Variants in DLGAP2 observed in about 807,000 individuals in gnomAD.
The protein encoded by DLGAP2 is disks large-associated protein 2.
Under a neutral mutation model 100.3 loss-of-function variants are expected in DLGAP2, and 26 were observed. That is an observed-to-expected ratio of 0.26 (90% CI 0.19 to 0.36). The LOEUF (loss-of-function observed/expected upper bound fraction) is 0.36. Ranked by LOEUF, DLGAP2 falls within the 10% of genes least tolerant of loss-of-function variation. The pLI, the probability that DLGAP2 is intolerant of heterozygous loss-of-function variation, is 1.00. For missense variants in DLGAP2, 1,858 were observed against 1,453.2 expected, an observed-to-expected ratio of 1.28 and a Z score of -4.53; for synonymous variants, 886 against 630.1, an observed-to-expected ratio of 1.41 and a Z score of -6.08.
At chr8:1,530,872 G>A (rs1800966769) in intron 4 of DLGAP2, among the ~76,000 whole-genome samples, 1 of 152,218 alleles carries the variant, frequency 6.6e-6, no homozygotes, top group Non-Finnish European at 1.5e-5. Context: ...CTTGGGGTCA[G>A]AAGAGACTGT....
At chr8:1,261,048 C>G (rs118010333) in intron 3 of DLGAP2, among the ~76,000 whole-genome samples, 2 of 152,218 alleles carry the variant, frequency 1.3e-5, no homozygotes, top group Non-Finnish European at 2.9e-5. Flanking sequence ...TTCGTTCCTG[C>G]TCTAGAAGGC....
In DLGAP2 at chr8:1,375,166, A is replaced by G. The variant is rs185878713; in HGVS notation, c.106+116283A>G. Among the ~76,000 whole-genome samples the G allele has an allele frequency of 8.4e-3, 889 of 105,306 alleles. 62 individuals are homozygous for G. Among genetic ancestry groups the G allele is most frequent in the African/African-American group, 0.041 (837 of 20,422 alleles). 69.1% of individuals were successfully genotyped at this position (105,306 alleles called of 152,430 possible). A position where few individuals can be genotyped will look rare whatever the true frequency, so the allele number is the denominator to read the frequency against. On this transcript the variant is annotated intron_variant, in intron 3 of 14. Transcript: ENST00000637795. ...CCTCAGAACTGATCCCCCACCTCCT[A>G]CATTTGGGTTAACGACCCCTCTCCA...
At chr8:1,415,460 C>CT (rs34058396) in intron 3 of DLGAP2, among the ~76,000 whole-genome samples, 50,049 of 151,930 alleles carry the variant, frequency 0.33, 9,285 homozygotes, top group South Asian at 0.51. Context: ...TCCCCAGCCC[C>CT]TTTTTCCCTC....
chr8:946,617 G>A (rs756671165), intron 2 of DLGAP2, among the ~76,000 whole-genome samples: 7 of 152,102 alleles, frequency 4.6e-5, no homozygotes, highest in Non-Finnish European at 1.0e-4. Context: ...ACTAGATAGG[G>A]GTTCTTTCTG....
chr8:825,897 C>T (rs1228936168), intron 1 of DLGAP2, among the ~76,000 whole-genome samples: 3 of 152,202 alleles, frequency 2.0e-5, no homozygotes, highest in Non-Finnish European at 2.9e-5. Flanking sequence ...AAGTTGTTGA[C>T]TGTAGTCACC....
chr8:1,118,281 T>A (rs577614928), intron 2 of DLGAP2, among the ~76,000 whole-genome samples: 1 of 152,218 alleles, frequency 6.6e-6, no homozygotes, highest in Non-Finnish European at 1.5e-5. Context: ...ACTCTGGTGC[T>A]GATTCCAGCA....
intron 2 of DLGAP2, among the ~76,000 whole-genome samples, chr8:948,321 C>T (rs1214108734): frequency 6.6e-6 from 1 of 152,230 alleles, no homozygotes; most frequent in Non-Finnish European, 1.5e-5. Context: ...ATGCGTGTCG[C>T]CTGCGGGCGT....
chr8:1,532,100 C>T (rs961723450), intron 4 of DLGAP2, among the ~76,000 whole-genome samples: 2 of 152,186 alleles, frequency 1.3e-5, no homozygotes, highest in Non-Finnish European at 2.9e-5. Context: ...AGGAGACAGT[C>T]AGCATATGCA....
intron 2 of DLGAP2, among the ~76,000 whole-genome samples, chr8:934,739 G>C (rs1799031388): frequency 6.6e-6 from 1 of 152,164 alleles, no homozygotes; most frequent in African/African-American, 2.4e-5. Context: ...CCCTGTGCCG[G>C]CTCTCGGGGA....
At position 1,565,853 on chromosome 8, in the gene DLGAP2, G is replaced by A; in HGVS notation, c.1401G>A (p.Leu467=). ...AGTCGGCAATCCTACCAGAGCCGCTGCTGAAGTCCATCGGACAGAGACCGC... is the reference window on the plus strand; with the variant it reads ...AGTCGGCAATCCTACCAGAGCCGCTACTGAAGTCCATCGGACAGAGACCGC... The part of the protein sequence containing the change: ...SPKSAILPEP[L]LKSIGQRPLG... Residue 467 remains leucine, a synonymous_variant, in exon 6 of 15, where the codon CTG becomes CTA. Coordinates refer to ENST00000637795, the MANE Select transcript of DLGAP2 (RefSeq NM_001346810.2). 1 of 1,612,482 alleles carries A rather than the reference G, an allele frequency of 6.2e-7. No individual in the cohort carries two copies. Among genetic ancestry groups the A allele is most frequent in the Non-Finnish European group, 8.5e-7 (1 of 1,179,194 alleles).
intron 2 of DLGAP2, among the ~76,000 whole-genome samples, chr8:1,207,756 T>A (rs1211455304): frequency 6.6e-6 from 1 of 152,194 alleles, no homozygotes; most frequent in Non-Finnish European, 1.5e-5. Context: ...TTATGATCAT[T>A]GTTGCAGGAG....
intron 2 of DLGAP2, among the ~76,000 whole-genome samples, chr8:1,240,171 G>T (rs1326031984): frequency 7.1e-6 from 1 of 140,402 alleles, no homozygotes; most frequent in Non-Finnish European, 1.5e-5. Flanking sequence ...GTCATGTCTA[G>T]TTCTCTCTCA....
chr8:1,185,396 A>G (rs1032783134), intron 2 of DLGAP2, among the ~76,000 whole-genome samples: 1 of 152,078 alleles, frequency 6.6e-6, no homozygotes, highest in African/African-American at 2.4e-5. Context: ...CTGCAGGTAC[A>G]AGGTGACCCC....
Position 1,154,459 on chromosome 8 carries a change from T to C in DLGAP2, c.74-104392T>C, listed in dbSNP as rs572848244. Among the ~76,000 whole-genome samples, 4 of 152,322 alleles carry C rather than the reference T, an allele frequency of 2.6e-5. No individual in the cohort carries two copies. The South Asian group carries it at 8.3e-4, about 32-fold the overall frequency. On this transcript the variant is annotated intron_variant, in intron 2 of 14. Transcript: ENST00000637795. ...GTGTCACTCACTTCTACCGTAAATT[T>C]GTGCATATTAATGATTTCCCTTATT... is the stretch of plus-strand genomic sequence containing the variant.
intron 3 of DLGAP2, chr8:1,299,787 A>AGAATGGATCT (rs1337639038): frequency 1.3e-5 from 2 of 152,214 alleles, no homozygotes; most frequent in African/African-American, 4.8e-5. Context: ...AAGGAGGTCA[A>AGAATGGATCT]GAATGGATCT....
intron 2 of DLGAP2, among the ~76,000 whole-genome samples, chr8:1,168,841 C>T (rs1356786021): frequency 3.1e-5 from 3 of 96,098 alleles, no homozygotes; most frequent in Admixed American, 1.3e-4. Context: ...TGCCTGTTCA[C>T]TCTGATGGTA....
intron 3 of DLGAP2, among the ~76,000 whole-genome samples, chr8:1,452,400 G>T (rs183635478): frequency 2.4e-4 from 37 of 152,362 alleles, no homozygotes; most frequent in Middle Eastern, 3.4e-3. Flanking sequence ...GCGTGCGACA[G>T]GTTCATCAGC....
chr8:1,265,154 G>A (rs980730305), intron 3 of DLGAP2, among the ~76,000 whole-genome samples: 1 of 152,112 alleles, frequency 6.6e-6, no homozygotes, highest in Non-Finnish European at 1.5e-5. Context: ...AACAACCAAA[G>A]CCCTAGAAGT....
intron 1 of DLGAP2, among the ~76,000 whole-genome samples, chr8:852,746 G>C (rs750467803): frequency 6.6e-6 from 1 of 152,238 alleles, no homozygotes; most frequent in East Asian, 1.9e-4. Context: ...GCAAGGCTGA[G>C]TGCATTCTCG....
Sources: gnomAD v4.1 joint callset for allele counts (sites outside exome capture counted in the v4.1 genomes callset) on GRCh38, gnomAD v4.1.1 for gene constraint, MANE v1.5 for transcripts, NCBI Gene and HGNC (gene_info 2026-07-23, HGNC 2026-07-21) for gene names.